Variants in FRK observed in about 807,000 individuals in gnomAD.
FRK encodes the protein fyn related Src family tyrosine kinase, also known as tyrosine-protein kinase FRK.
Under a neutral mutation model 56.4 loss-of-function variants are expected in FRK, and 51 were observed. The observed-to-expected ratio is 0.90, with a 90% CI of 0.72 to 1.14. The LOEUF (loss-of-function observed/expected upper bound fraction) is 1.14. Ranked by LOEUF, FRK falls within the 50% of genes most tolerant of loss-of-function variation. FRK has a pLI of 0.00. For synonymous variants in FRK, 245 were observed against 217.9 expected (o/e 1.12, Z -1.10); for missense variants, 570 against 601.4 (o/e 0.95, Z 0.55).
intron 4 of FRK, among the ~76,000 whole-genome samples, chr6:115,957,240 G>A (rs1773036408): frequency 6.6e-6 from 1 of 152,120 alleles, no homozygotes; most frequent in African/African-American, 2.4e-5. Flanking sequence ...AGCCTTAATA[G>A]CATGGCCAAA....
chr6:115,992,615 A>G (rs1774656044), intron 2 of FRK, among the ~76,000 whole-genome samples: 1 of 151,890 alleles, frequency 6.6e-6, no homozygotes, highest in South Asian at 2.1e-4. Flanking sequence ...AGTTATAAAG[A>G]AAACACTTCA....
intron 5 of FRK, among the ~76,000 whole-genome samples, chr6:115,950,739 A>G (rs1460138209): frequency 2.6e-5 from 4 of 152,214 alleles, no homozygotes; most frequent in African/African-American, 7.2e-5. Flanking sequence ...TTGTGGCACT[A>G]TTCACAATAG....
At chr6:115,954,427 G>C (rs1468838705) in intron 5 of FRK, among the ~76,000 whole-genome samples, 1 of 152,216 alleles carries the variant, frequency 6.6e-6, no homozygotes, top group East Asian at 1.9e-4. Flanking sequence ...CAGAATTCAG[G>C]TGGCAGCCTG....
chr6:115,993,310 A>G (rs573331001), intron 2 of FRK, among the ~76,000 whole-genome samples: 2 of 151,854 alleles, frequency 1.3e-5, no homozygotes, highest in African/African-American at 2.4e-5. Context: ...GAGAAAAATA[A>G]GAAAGATTTT....
chr6:115,962,041 A>G (rs148858511), intron 4 of FRK, among the ~76,000 whole-genome samples: 1,365 of 135,630 alleles, frequency 0.01, 38 homozygotes, highest in African/African-American at 0.038. Flanking sequence ...ATTCACACAT[A>G]ACAATATTAA....
Position 115,977,209 on chromosome 6 carries a change from T to C in FRK, c.467-8470A>G, listed in dbSNP as rs1774021785. On this transcript the variant is annotated intron_variant, in intron 2 of 7. Coordinates refer to ENST00000606080, the MANE Select transcript of FRK (RefSeq NM_002031.3). Reference sequence around the variant, plus strand: ...CCATTAAAACACAGTTCAAGACACATGCTAATGTTACACTGAATTCTCTTC... The same window carrying C: ...CCATTAAAACACAGTTCAAGACACACGCTAATGTTACACTGAATTCTCTTC... Among the ~76,000 whole-genome samples the C allele has an allele frequency of 2.6e-5, 4 of 152,172 alleles. 1 individual carries two copies. In the South Asian group the frequency reaches 8.3e-4, roughly 31 times the overall value.
At chr6:115,943,380 AAAT>A (rs1444448134) in intron 6 of FRK, among the ~76,000 whole-genome samples, 195 bp from the exon 7 acceptor site, 2 of 152,012 alleles carry the variant, frequency 1.3e-5, no homozygotes, top group Non-Finnish European at 2.9e-5. Flanking sequence ...GTCATTAATA[AAAT>A]ATTATTTAAG....
chr6:116,037,973 G>A (rs539662329), intron 1 of FRK, among the ~76,000 whole-genome samples: 82 of 152,282 alleles, frequency 5.4e-4, no homozygotes, highest in Non-Finnish European at 3.5e-4. Flanking sequence ...GTACAAACCC[G>A]CAAATGAGGG....
At chr6:116,049,820 T>A (rs1422483504) in intron 1 of FRK, among the ~76,000 whole-genome samples, 1 of 152,160 alleles carries the variant, frequency 6.6e-6, no homozygotes, top group Non-Finnish European at 1.5e-5. Context: ...CTACTAACAA[T>A]AAATACAAAA....
intron 2 of FRK, among the ~76,000 whole-genome samples, chr6:115,984,816 C>A (rs184587014): frequency 7.7e-4 from 116 of 151,092 alleles, no homozygotes; most frequent in African/African-American, 2.7e-3. Flanking sequence ...GATCAGTATC[C>A]ACTTCTGTTG....
chr6:115,983,471 T>C (rs1430950983), intron 2 of FRK, among the ~76,000 whole-genome samples: 2 of 152,168 alleles, frequency 1.3e-5, no homozygotes, highest in Non-Finnish European at 2.9e-5. Flanking sequence ...TAAAGGGAAA[T>C]ACTAGGTTGC....
intron 2 of FRK, among the ~76,000 whole-genome samples, chr6:116,001,038 G>A (rs568083891): frequency 6.6e-6 from 1 of 152,272 alleles, no homozygotes; most frequent in South Asian, 2.1e-4. Context: ...AGGAGATTGA[G>A]ACCATCCAGG....
chr6:116,048,041 G>GC (rs1777046436), intron 1 of FRK, among the ~76,000 whole-genome samples: 2 of 152,306 alleles, frequency 1.3e-5, no homozygotes, highest in Middle Eastern at 3.4e-3. Flanking sequence ...CTTGATCTTT[G>GC]CCTCATTGCT....
At chr6:115,994,738 G>A (rs1582691561) in intron 2 of FRK, among the ~76,000 whole-genome samples, 2 of 152,074 alleles carry the variant, frequency 1.3e-5, no homozygotes, top group East Asian at 1.9e-4. Context: ...GAGAACATGA[G>A]GGGTGGAGCC....
At chr6:116,031,932 C>T (rs990413670) in intron 1 of FRK, among the ~76,000 whole-genome samples, 1 of 152,094 alleles carries the variant, frequency 6.6e-6, no homozygotes, top group Non-Finnish European at 1.5e-5. Flanking sequence ...TTTTCCCAGA[C>T]TTACAATTAT....
At chr6:116,091,049 T>G in the FRK span, among the ~76,000 whole-genome samples, 3 of 152,228 alleles carry the variant, frequency 2.0e-5, no homozygotes, top group Non-Finnish European at 4.4e-5. Context: ...TCTAAACATT[T>G]TTTAAAATCT....
the FRK span, among the ~76,000 whole-genome samples, chr6:116,071,161 A>AT: frequency 6.6e-6 from 1 of 152,284 alleles, no homozygotes; most frequent in Non-Finnish European, 1.5e-5. Context: ...TCAGTATATA[A>AT]TAAAAGCCTA....
intron 2 of FRK, among the ~76,000 whole-genome samples, chr6:116,001,816 T>C (rs529242322): frequency 6.6e-6 from 1 of 152,046 alleles, no homozygotes; most frequent in East Asian, 1.9e-4. Context: ...TAAAGTCTCT[T>C]CTTTCGAATT....
chr6:115,981,087 A>G (rs968747411), intron 2 of FRK, among the ~76,000 whole-genome samples: 1 of 152,176 alleles, frequency 6.6e-6, no homozygotes, highest in Non-Finnish European at 1.5e-5. Context: ...CTTACTAAAC[A>G]TAAGAAAGAA....
Sources: allele counts gnomAD v4.1 joint callset (sites outside exome capture counted in the v4.1 genomes callset), GRCh38; gene constraint gnomAD v4.1.1; transcripts MANE v1.5; gene names NCBI Gene and HGNC (gene_info 2026-07-23, HGNC 2026-07-21).